CDH22: variants seen among roughly 807,000 people sequenced by gnomAD.
The protein encoded by CDH22 is cadherin-22.
CDH22 carries 30 observed loss-of-function variants against 58.4 expected under a neutral mutation model. That is an observed-to-expected ratio of 0.51 (90% CI 0.38 to 0.70). The LOEUF (loss-of-function observed/expected upper bound fraction) is 0.70, where lower values mean the gene tolerates loss of function less well. Among genes scored for constraint, CDH22 ranks in the 30% least tolerant of loss-of-function variants. CDH22 has a pLI of 0.00. For missense variants in CDH22, 1,014 were observed against 1,233.9 expected (o/e 0.82, Z 2.67); for synonymous variants, 513 against 558.2 (o/e 0.92, Z 1.14).
chr20:46,302,643 G>A (rs1015826775), intron 1 of CDH22, among the ~76,000 whole-genome samples: 1 of 152,048 alleles, frequency 6.6e-6, no homozygotes, highest in Non-Finnish European at 1.5e-5. Context: ...TGGATGGTGA[G>A]CTCCTCCTTC....
intron 1 of CDH22, among the ~76,000 whole-genome samples, chr20:46,289,947 G>T (rs1310432024): frequency 6.6e-6 from 1 of 152,224 alleles, no homozygotes; most frequent in Non-Finnish European, 1.5e-5. Flanking sequence ...GGAAACTAAA[G>T]TTTTAGAACA....
intron 10 of CDH22, among the ~76,000 whole-genome samples, chr20:46,184,362 G>A (rs2085810200): frequency 6.6e-6 from 1 of 152,166 alleles, no homozygotes; most frequent in Non-Finnish European, 1.5e-5. Flanking sequence ...GCCTCCCAAA[G>A]TGTTGAGATT....
chr20:46,279,881 T>C (rs946552011), intron 1 of CDH22, among the ~76,000 whole-genome samples: 2 of 152,234 alleles, frequency 1.3e-5, no homozygotes, highest in Non-Finnish European at 2.9e-5. Context: ...GCAGAGAGAA[T>C]GTGTAATTCA....
intron 1 of CDH22, among the ~76,000 whole-genome samples, chr20:46,256,037 G>A (rs1042924328): frequency 2.2e-4 from 33 of 152,160 alleles, no homozygotes; most frequent in Non-Finnish European, 4.3e-4. Context: ...TCTGCCCATG[G>A]GCCTACATAT....
chr20:46,240,964 T>C lies in CDH22; in HGVS notation c.549A>G (p.Thr183=). Residue 183 remains threonine (T), a splice_region_variant and synonymous_variant, in exon 3 of 12, where the codon ACA becomes ACG. Coordinates refer to ENST00000537909, the MANE Select transcript of CDH22 (RefSeq NM_021248.3). ...CCACCCCCAGGGCCCACAGCCCACC[T>C]GTAGGTGAGAGCTCGGCCACGCTGC... ...YIGSVAELSP[T]GTSVMQVMAS... The C allele has an allele frequency of 6.2e-7, 1 of 1,610,360 alleles. No homozygotes were observed. The highest frequency in any genetic ancestry group is 8.5e-7 in the Non-Finnish European group (1 of 1,177,452).
intron 4 of CDH22, chr20:46,219,666 G>A (rs886905939): frequency 2.0e-5 from 3 of 152,188 alleles, no homozygotes; most frequent in Non-Finnish European, 4.4e-5. Context: ...CATCTCATGA[G>A]AATTACATGT....
intron 10 of CDH22, among the ~76,000 whole-genome samples, chr20:46,180,406 C>T (rs1470237269): frequency 6.6e-6 from 1 of 152,196 alleles, no homozygotes; most frequent in Non-Finnish European, 1.5e-5. Flanking sequence ...AAACTGGCTA[C>T]ATTCAGGCTT....
chr20:46,226,244 CTT>C (rs2086170924), intron 4 of CDH22, among the ~76,000 whole-genome samples: 2 of 8,938 alleles, frequency 2.2e-4, no homozygotes, highest in Non-Finnish European at 4.4e-4. Flanking sequence ...TCTTCTTCTT[CTT>C]CTTCTTCTTC....
intron 1 of CDH22, among the ~76,000 whole-genome samples, chr20:46,289,829 G>A (rs1487809296): frequency 6.6e-6 from 1 of 152,222 alleles, no homozygotes; most frequent in East Asian, 1.9e-4. Context: ...AGAAGGGATA[G>A]AGATTAAAAT....
At chr20:46,181,756 T>C (rs373013448) in intron 10 of CDH22, among the ~76,000 whole-genome samples, 588 of 27,496 alleles carry the variant, frequency 0.021, 1 homozygote, top group Admixed American at 0.039. Flanking sequence ...TCCTTCCTTC[T>C]TTCTTTCTTT....
intron 1 of CDH22, among the ~76,000 whole-genome samples, chr20:46,279,612 T>C (rs1345558707): frequency 6.6e-6 from 1 of 152,170 alleles, no homozygotes; most frequent in Admixed American, 6.6e-5. Context: ...ATATAATGTA[T>C]GCTAAAGTCT....
chr20:46,187,020 G>C, intron 8 of CDH22, 73 bp from the exon 9 acceptor site: 2 of 1,447,758 alleles, frequency 1.4e-6, no homozygotes, highest in South Asian at 1.4e-5. Flanking sequence ...TCTACTATGA[G>C]GACAATAGTA....
At chr20:46,194,502 C>T (rs538995713) in intron 8 of CDH22, among the ~76,000 whole-genome samples, 2 of 152,160 alleles carry the variant, frequency 1.3e-5, no homozygotes, top group Non-Finnish European at 2.9e-5. Flanking sequence ...GGGTATGGGG[C>T]TGGAGGATGG....
intron 2 of CDH22, among the ~76,000 whole-genome samples, chr20:46,248,310 GGC>G (rs1265382800): frequency 2.0e-5 from 3 of 152,222 alleles, no homozygotes; most frequent in African/African-American, 7.2e-5. Flanking sequence ...GTGGGTGGCT[GGC>G]GAGGCTTTTG....
chr20:46,291,328 A>G (rs1342584902), intron 1 of CDH22, among the ~76,000 whole-genome samples: 1 of 152,194 alleles, frequency 6.6e-6, no homozygotes, highest in Non-Finnish European at 1.5e-5. Flanking sequence ...ACCAAATAAT[A>G]ATAGCTAACA....
chr20:46,274,884 C>A (rs142417564), intron 1 of CDH22, among the ~76,000 whole-genome samples: 10 of 151,488 alleles, frequency 6.6e-5, no homozygotes, highest in Non-Finnish European at 1.3e-4. Flanking sequence ...GGAAATGTCC[C>A]GAATAGGCAA....
At chr20:46,233,805 T>TC (rs1261320156) in intron 3 of CDH22, among the ~76,000 whole-genome samples, 1 of 152,078 alleles carries the variant, frequency 6.6e-6, no homozygotes, top group Admixed American at 6.5e-5. Context: ...CCTGTCCCGT[T>TC]CCCCCCAGCA....
chr20:46,269,644 C>T (rs1387126068), intron 1 of CDH22, among the ~76,000 whole-genome samples: 1 of 152,238 alleles, frequency 6.6e-6, no homozygotes, highest in African/African-American at 2.4e-5. Flanking sequence ...CACCCTCTCT[C>T]CATTCCACGT....
rs141016443 is a variant in CDH22 at position 46,189,367 on chromosome 20, G to C, written c.1424-2420C>G. On this transcript the variant is annotated intron_variant, in intron 8 of 11. Transcript: ENST00000537909. Reference sequence around the variant, plus strand: ...GACGGTCGGTGCTTTTGGGAAGAGGGGGGTGAGGCCCACAGCCAGGAACAG... The same window carrying C: ...GACGGTCGGTGCTTTTGGGAAGAGGCGGGTGAGGCCCACAGCCAGGAACAG... Among the ~76,000 whole-genome samples the C allele has an allele frequency of 3.8e-3, 572 of 152,314 alleles. 1 individual carries two copies. Among genetic ancestry groups the C allele is most frequent in the Non-Finnish European group, 5.5e-3 (375 of 68,036 alleles).
Sources: allele counts gnomAD v4.1 joint callset (sites outside exome capture counted in the v4.1 genomes callset), GRCh38; gene constraint gnomAD v4.1.1; transcripts MANE v1.5; gene names NCBI Gene and HGNC (gene_info 2026-07-23, HGNC 2026-07-21).